Variants in RBBP8 observed in about 807,000 individuals in gnomAD.
The protein encoded by RBBP8 is DNA endonuclease RBBP8.
In RBBP8, 88 loss-of-function variants were observed where a neutral mutation model predicts 108.3. The observed-to-expected ratio is 0.81, with a 90% CI of 0.68 to 0.97. The LOEUF (loss-of-function observed/expected upper bound fraction) is 0.97. RBBP8 is among the 50% of genes least tolerant of loss of function. The pLI, the probability that RBBP8 is intolerant of heterozygous loss-of-function variation, is 0.00. For missense variants in RBBP8, 1,023 were observed against 1,049.0 expected (o/e 0.98, Z 0.34); for synonymous variants, 332 against 348.2 (o/e 0.95, Z 0.52).
At chr18:23,012,311 A>G (rs1172580684) in intron 16 of RBBP8, among the ~76,000 whole-genome samples, 1 of 152,064 alleles carries the variant, frequency 6.6e-6, no homozygotes, top group African/African-American at 2.4e-5. Flanking sequence ...GCTAGAAATG[A>G]TTAAGCTTAA....
chr18:23,009,818 G>A (rs2046124928), intron 16 of RBBP8, among the ~76,000 whole-genome samples: 1 of 152,192 alleles, frequency 6.6e-6, no homozygotes, highest in Non-Finnish European at 1.5e-5. Flanking sequence ...CTAGGGTGCA[G>A]GGGCGCCATC....
At chr18:23,005,893 A>G (rs535265322) in intron 15 of RBBP8, among the ~76,000 whole-genome samples, 15 of 151,980 alleles carry the variant, frequency 9.9e-5, no homozygotes, top group Admixed American at 9.8e-4. Flanking sequence ...GAAAGAAAAA[A>G]GTAGTTGCAG....
intron 4 of RBBP8, among the ~76,000 whole-genome samples, chr18:22,962,040 A>G (rs1295339730): frequency 5.9e-5 from 9 of 152,224 alleles, no homozygotes; most frequent in African/African-American, 2.2e-4. Context: ...GACAAATGAA[A>G]TCACTCCCTT....
intron 12 of RBBP8, among the ~76,000 whole-genome samples, chr18:22,994,314 C>T (rs1441857373): frequency 8.2e-5 from 12 of 147,022 alleles, no homozygotes; most frequent in South Asian, 2.2e-4. Flanking sequence ...TGAGTCACTG[C>T]GCCCGGCCAC....
At chr18:22,926,143 C>T (rs11659166) in intron 3 of RBBP8, among the ~76,000 whole-genome samples, 73,973 of 152,110 alleles carry the variant, frequency 0.49, 21,304 homozygotes, top group Middle Eastern at 0.65. Flanking sequence ...AATCATTTTG[C>T]TGGCTGCGGT....
At chr18:22,953,370 C>T (rs920940337) in intron 4 of RBBP8, among the ~76,000 whole-genome samples, 15 of 152,170 alleles carry the variant, frequency 9.9e-5, no homozygotes, top group Non-Finnish European at 2.1e-4. Context: ...TATTGACTTC[C>T]AGTACTCTTC....
At chr18:23,025,046 G>A (rs529489643) in intron 18 of RBBP8, among the ~76,000 whole-genome samples, 99 of 152,178 alleles carry the variant, frequency 6.5e-4, no homozygotes, top group Admixed American at 5.6e-3. Flanking sequence ...CCAGGAGTTC[G>A]AGACCAGCCT....
intron 17 of RBBP8, among the ~76,000 whole-genome samples, chr18:23,018,053 T>TTTTG (rs199725314): frequency 6.6e-6 from 1 of 151,982 alleles, no homozygotes; most frequent in Admixed American, 6.6e-5. Flanking sequence ...CCAAGTTCTT[T>TTTTG]TTTGTTTGTT....
intron 17 of RBBP8, among the ~76,000 whole-genome samples, chr18:23,018,352 A>C (rs1490572617): frequency 6.6e-6 from 1 of 151,988 alleles, no homozygotes; most frequent in East Asian, 1.9e-4. Flanking sequence ...CCACTGCACC[A>C]AACATTTTTC....
At chr18:22,928,334 T>A (rs1465261226), upstream of RBBP8, among the ~76,000 whole-genome samples, 1 of 152,120 alleles carries the variant, frequency 6.6e-6, no homozygotes, top group Non-Finnish European at 1.5e-5. Flanking sequence ...AGATATATAT[T>A]GAGGGCATGG....
intron 10 of RBBP8, 140 bp downstream of exon 10, chr18:22,991,189 T>TCGGGCCGGGCGCGGTGG: frequency 2.8e-6 from 2 of 711,358 alleles, no homozygotes; most frequent in Non-Finnish European, 2.4e-6. Flanking sequence ...TTAAAAATTG[T>TCGGGCCGGGCGCGGTGG]CTCCCTAGTT....
In RBBP8 at chr18:22,993,310, G is replaced by A. The variant is rs1567984541; in HGVS notation, c.1483G>A (p.Asp495Asn). 1 of 1,614,216 alleles carries A rather than the reference G, an allele frequency of 6.2e-7. No homozygotes were observed. The highest frequency in any genetic ancestry group is 8.5e-7 in the Non-Finnish European group (1 of 1,180,034). ...GATGGATAAACCTCTGGATCTGTCT[G>A]ATCGATTTTCAGCTATTCAGCGTCA... Reference protein sequence around the residue: ...CVMDKPLDLSDRFSAIQRQEK... With the variant: ...CVMDKPLDLSNRFSAIQRQEK... Residue 495 changes from aspartate to asparagine, a missense_variant, in exon 11 of 19, where the codon GAT becomes AAT. Coordinates refer to ENST00000327155, the MANE Select transcript of RBBP8 (RefSeq NM_002894.3).
intron 3 of RBBP8, chr18:22,917,174 C>T (rs1368914282): frequency 6.6e-6 from 1 of 152,126 alleles, no homozygotes; most frequent in African/African-American, 2.4e-5. Flanking sequence ...CTACTAATTA[C>T]CTTATCTTAT....
chr18:22,955,420 TA>T (rs772227708), intron 4 of RBBP8, among the ~76,000 whole-genome samples: 2 of 152,174 alleles, frequency 1.3e-5, no homozygotes, highest in Non-Finnish European at 2.9e-5. Context: ...AGTTAGTATG[TA>T]TTGAGGATTC....
At chr18:23,000,041 G>A (rs2045921521) in intron 14 of RBBP8, among the ~76,000 whole-genome samples, 1 of 152,126 alleles carries the variant, frequency 6.6e-6, no homozygotes, top group Non-Finnish European at 1.5e-5. Flanking sequence ...GTAGTAGGAA[G>A]TATTTTAGGA....
At position 22,949,725 on chromosome 18, in the gene RBBP8, A is replaced by C. The variant is rs144411132; in HGVS notation, c.248+12A>C. 165 of 1,570,308 alleles carry C rather than the reference A, an allele frequency of 1.1e-4. No individual in the cohort carries two copies. The Middle Eastern group carries it at 2.5e-3, about 24-fold the overall frequency. On this transcript the variant is annotated intron_variant, in intron 4 of 18. Transcript: ENST00000327155. Reference sequence around the variant, plus strand: ...GTTTTAGAAGATCGGTGAGTCTGGCACTTAGGTCTTGAGTAAGAAGTGATT... The same window carrying C: ...GTTTTAGAAGATCGGTGAGTCTGGCCCTTAGGTCTTGAGTAAGAAGTGATT...
chr18:22,948,950 G>T (rs907280060), intron 3 of RBBP8, among the ~76,000 whole-genome samples: 1 of 152,148 alleles, frequency 6.6e-6, no homozygotes, highest in Non-Finnish European at 1.5e-5. Context: ...AGAAGATTCT[G>T]GTTGTCTTTG....
chr18:22,962,623 C>G (rs184005147), intron 4 of RBBP8, among the ~76,000 whole-genome samples: 1 of 151,996 alleles, frequency 6.6e-6, no homozygotes, highest in Non-Finnish European at 1.5e-5. Flanking sequence ...GTGGCATAAT[C>G]TTGGCTCACT....
intron 9 of RBBP8, among the ~76,000 whole-genome samples, chr18:22,990,289 C>T (rs1468114567): frequency 6.6e-6 from 1 of 152,140 alleles, no homozygotes; most frequent in African/African-American, 2.4e-5. Context: ...ACCTACTGAA[C>T]TTGCATTGTA....
Sources: allele counts gnomAD v4.1 joint callset (sites outside exome capture counted in the v4.1 genomes callset), GRCh38; gene constraint gnomAD v4.1.1; transcripts MANE v1.5; gene names NCBI Gene and HGNC (gene_info 2026-07-23, HGNC 2026-07-21).